CNOT1: variants seen among roughly 807,000 people sequenced by gnomAD.
CNOT1 encodes the protein CCR4-associated factor 1.
Under a neutral mutation model 273.8 loss-of-function variants are expected in CNOT1, and 15 were observed. That is an observed-to-expected ratio of 0.05 (90% confidence interval 0.04 to 0.08). The LOEUF (loss-of-function observed/expected upper bound fraction) is 0.08. Among genes scored for constraint, CNOT1 ranks in the 10% least tolerant of loss-of-function variants. The pLI is 1.00. For synonymous variants in CNOT1, 1,022 were observed against 1,005.5 expected (o/e 1.02, Z -0.31); for missense variants, 1,644 against 2,912.2 (o/e 0.56, Z 10.02).
chr16:58,569,515 C>CA (rs35866624), intron 16 of CNOT1, among the ~76,000 whole-genome samples: 245 of 141,084 alleles, frequency 1.7e-3, no homozygotes, highest in African/African-American at 2.8e-3. Flanking sequence ...TAGAAATTAG[C>CA]AAAAAAAAAA....
chr16:58,582,893 G>A lies in CNOT1; in HGVS notation c.944C>T (p.Ala315Val), dbSNP rs2041703337. The change falls in exon 10 of 49, where the codon GCT becomes GTT. Residue 315 changes from alanine to valine, a missense_variant. Ala to Val is a moderately conservative substitution (Grantham distance 64). Around this residue, in one of 13 missense-constraint regions of CNOT1, gnomAD observed 706 missense variants for 1,021.2 expected, o/e 0.69. Transcript: ENST00000317147. Reference protein sequence around the residue: ...TDGIPLQSISAPGSGIWSDGK... With the variant: ...TDGIPLQSISVPGSGIWSDGK... ...ATCACTCCAGATCCCACTGCCCGGAGCAGAAATACTCTGTAGAAGTAAAAC... is the reference window on the plus strand; with the variant it reads ...ATCACTCCAGATCCCACTGCCCGGAACAGAAATACTCTGTAGAAGTAAAAC... The A allele has an allele frequency of 6.2e-7, 1 of 1,612,078 alleles. No homozygotes were observed. The highest frequency in any genetic ancestry group is 2.2e-5 in the East Asian group (1 of 44,878).
Position 58,581,233 on chromosome 16 carries a change from T to G in CNOT1, c.1215+112A>C, listed in dbSNP as rs1290125165. 5 of 1,266,232 alleles carry G rather than the reference T, an allele frequency of 3.9e-6. No homozygotes were observed. The East Asian group carries it at 1.2e-4, about 30-fold the overall frequency. 78.4% of individuals were successfully genotyped at this position (1,266,232 alleles called of 1,614,324 possible). A position where few individuals can be genotyped will look rare whatever the true frequency, so the allele number is the denominator to read the frequency against. ...GGACAGTCCTTGCTTTTCTGTGCTA[T>G]GTATAACAAATTCTACTTTACAAGA... On this transcript the variant is annotated intron_variant, in intron 11 of 48. Transcript: ENST00000317147.
At chr16:58,536,232 A>G (rs1432751243) in intron 39 of CNOT1, among the ~76,000 whole-genome samples, 1 of 152,176 alleles carries the variant, frequency 6.6e-6, no homozygotes, top group Non-Finnish European at 1.5e-5. Context: ...AAATTACAAC[A>G]GTTCTAATAA....
At chr16:58,543,537 C>CA in intron 31 of CNOT1, 70 bp downstream of exon 31, 1 of 1,608,702 alleles carries the variant, frequency 6.2e-7, no homozygotes, top group Non-Finnish European at 8.5e-7. Context: ...CATATATAGA[C>CA]AAAGAAAAAA....
rs140403106 is a variant in CNOT1, at chr16:58,558,506, T to C, written c.2299A>G (p.Ser767Gly). 8.3e-5 allele frequency: 134 copies of C among 1,613,964 alleles called. No individual in the cohort carries two copies. In the African/African-American group the frequency reaches 1.4e-3, roughly 17 times the overall value. The change falls in exon 18 of 49, where the codon AGT (serine) becomes GGT (glycine). Residue 767 changes from serine to glycine, a missense_variant. By Grantham distance (56) the Ser-to-Gly change is moderately conservative (BLOSUM62 0). This residue lies in a region of CNOT1 where 706 missense variants were observed against 1,021.2 expected (regional missense o/e 0.69). Coordinates refer to ENST00000317147, the MANE Select transcript of CNOT1 (RefSeq NM_016284.5). ...TGTGATGAAAGTCCTCCAATACCAC[T>C]GAATGCAGTGGTCTGATTGGGGGTT... ...LSTPNQTTAF[S>G]GIGGLSSQLP... is the part of the protein sequence containing the mutation.
At chr16:58,521,365 T>C in intron 47 of CNOT1, 48 bp from the exon 48 acceptor site, 1 of 1,538,838 alleles carries the variant, frequency 6.5e-7, no homozygotes, top group Non-Finnish European at 8.8e-7. Flanking sequence ...GCATACAAAT[T>C]CATGATTATT....
At position 58,542,490 on chromosome 16, in the gene CNOT1, A is replaced by G; in HGVS notation, c.4513T>C (p.Cys1505Arg). The G allele has an allele frequency of 6.2e-7, 1 of 1,613,172 alleles. No individual in the cohort carries two copies. Among genetic ancestry groups the G allele is most frequent in the Non-Finnish European group, 8.5e-7 (1 of 1,179,854 alleles). Residue 1505 changes from cysteine to arginine, a missense_variant, in exon 32 of 49, where the codon TGT becomes CGT. By Grantham distance (180) the Cys-to-Arg change is radical. Transcript: ENST00000317147. Reference sequence around the variant, plus strand: ...TCTACTGCAGTCTTCTGAATAAAACAGCAAGCCAACTCACAATTGTCCTGA... The same window carrying G: ...TCTACTGCAGTCTTCTGAATAAAACGGCAAGCCAACTCACAATTGTCCTGA... Reference protein sequence around the residue: ...LAQDNCELACCFIQKTAVEKA... With the variant: ...LAQDNCELACRFIQKTAVEKA...
At chr16:58,554,717 C>T (rs1275573742) in intron 21 of CNOT1, among the ~76,000 whole-genome samples, 2 of 150,124 alleles carry the variant, frequency 1.3e-5, no homozygotes, top group Non-Finnish European at 3.0e-5. Flanking sequence ...GGGTGGATCA[C>T]CCGAGGTCAG....
At chr16:58,587,064 CAT>C (rs1205411855) in intron 6 of CNOT1, 135 bp downstream of exon 6, 11 of 1,220,554 alleles carry the variant, frequency 9.0e-6, no homozygotes, top group African/African-American at 3.1e-5. Flanking sequence ...ATTTATATTA[CAT>C]GTTTTTTACC....
chr16:58,549,229 G>A (rs2040367503), intron 25 of CNOT1, among the ~76,000 whole-genome samples: 3 of 150,526 alleles, frequency 2.0e-5, no homozygotes, highest in Admixed American at 2.0e-4. Context: ...GGAGGCTGCA[G>A]TGAGCCGAGA....
At chr16:58,597,037 A>C (rs1414303944) in intron 2 of CNOT1, among the ~76,000 whole-genome samples, 1 of 152,024 alleles carries the variant, frequency 6.6e-6, no homozygotes, top group East Asian at 1.9e-4. Context: ...AAAATCTTTA[A>C]ATCTTTTTCT....
chr16:58,611,266 TAA>T (rs2042889104), intron 1 of CNOT1, among the ~76,000 whole-genome samples: 1 of 146,710 alleles, frequency 6.8e-6, no homozygotes, highest in Non-Finnish European at 1.5e-5. Flanking sequence ...CTGTCTCTGC[TAA>T]AATACAAAAA....
At chr16:58,582,361 C>G (rs781001252) in intron 10 of CNOT1, among the ~76,000 whole-genome samples, 1 of 152,142 alleles carries the variant, frequency 6.6e-6, no homozygotes, top group African/African-American at 2.4e-5. Flanking sequence ...AATCCCAACG[C>G]TTTGCTCCCA....
intron 30 of CNOT1, among the ~76,000 whole-genome samples, chr16:58,544,343 T>G (rs2040189889): frequency 6.6e-6 from 1 of 152,206 alleles, no homozygotes; most frequent in Non-Finnish European, 1.5e-5. Flanking sequence ...CATTTTACAG[T>G]GCCCACTGAA....
chr16:58,595,071 G>A (rs1244936957), intron 2 of CNOT1, among the ~76,000 whole-genome samples: 3 of 151,332 alleles, frequency 2.0e-5, no homozygotes, highest in South Asian at 4.2e-4. Flanking sequence ...CCGAGATCAC[G>A]CCACTGCACT....
intron 16 of CNOT1, among the ~76,000 whole-genome samples, chr16:58,567,111 T>G (rs941350182): frequency 5.9e-5 from 9 of 151,678 alleles, no homozygotes; most frequent in African/African-American, 1.9e-4. Flanking sequence ...ATTGTGCCTG[T>G]GAACATGCAC....
At chr16:58,541,400 G>A (rs1289828539) in intron 34 of CNOT1, 101 bp downstream of exon 34, 2 of 1,509,448 alleles carry the variant, frequency 1.3e-6, no homozygotes, top group African/African-American at 2.8e-5. Context: ...TTTTTCCCCT[G>A]TAAATTATTC....
At chr16:58,603,870 C>T (rs753617802) in intron 1 of CNOT1, among the ~76,000 whole-genome samples, 3 of 152,182 alleles carry the variant, frequency 2.0e-5, no homozygotes, top group Non-Finnish European at 2.9e-5. Context: ...TAAACTAACA[C>T]ATATCATACT....
intron 16 of CNOT1, among the ~76,000 whole-genome samples, chr16:58,567,551 CAAA>C (rs35372389): frequency 9.0e-6 from 1 of 111,662 alleles, no homozygotes. Context: ...GACATCATCT[CAAA>C]AAAAAAAAAA....
Sources: allele counts gnomAD v4.1 joint callset (sites outside exome capture counted in the v4.1 genomes callset), GRCh38; gene constraint gnomAD v4.1.1; regional missense constraint gnomAD v4.1.1; transcripts MANE v1.5; gene names NCBI Gene and HGNC (gene_info 2026-07-23, HGNC 2026-07-21).